The following CAST variants were observed in gnomAD, a reference collection of about 807,000 sequenced individuals.
CAST encodes MIR583 host.
A neutral mutation model predicts 119.6 loss-of-function variants in CAST; 76 were observed. The ratio of observed to expected loss-of-function variants is 0.64; its 90% CI spans 0.53 to 0.77. The LOEUF (loss-of-function observed/expected upper bound fraction) is 0.77. CAST is among the 30% of genes least tolerant of loss of function. The probability of loss-of-function intolerance (pLI) is 0.00; values close to 1 mark genes in which losing one functional copy is unlikely to be tolerated. For missense variants in CAST, 953 were observed against 946.5 expected, an observed-to-expected ratio of 1.01 and a Z score of -0.09; for synonymous variants, 319 against 331.6, an observed-to-expected ratio of 0.96 and a Z score of 0.41.
chr5:96,627,654 C>T (rs76202121), intron 1 of CAST, among the ~76,000 whole-genome samples: 1,870 of 152,202 alleles, frequency 0.012, 35 homozygotes, highest in African/African-American at 0.042. Context: ...CTCCTGTTTA[C>T]GGAAAGAAAG....
chr5:96,529,402 T>C (rs1254274401), upstream of CAST, among the ~76,000 whole-genome samples: 1 of 151,982 alleles, frequency 6.6e-6, no homozygotes, highest in South Asian at 2.1e-4. Context: ...TTTTTGTTTG[T>C]TTGCCAGTCT....
the CAST span, among the ~76,000 whole-genome samples, chr5:96,069,385 ATGTGTG>A: frequency 9.4e-5 from 9 of 96,100 alleles, no homozygotes; most frequent in East Asian, 4.2e-4. Context: ...GTGTGTGTCT[ATGTGTG>A]TGTGTGTGTG....
intron 19 of CAST, among the ~76,000 whole-genome samples, chr5:96,749,305 G>C (rs994025326): frequency 6.6e-6 from 1 of 152,144 alleles, no homozygotes; most frequent in Admixed American, 6.5e-5. Flanking sequence ...AGGATCTGTA[G>C]TTCTTTTTTT....
the CAST span, among the ~76,000 whole-genome samples, chr5:96,256,338 ATATATAAATATACAG>A: frequency 1.4e-5 from 2 of 144,236 alleles, no homozygotes; most frequent in East Asian, 2.0e-4. Context: ...CGGTATATAA[ATATATAAATATACAG>A]TATATAAATA....
chr5:96,023,414 A>G, the CAST span, among the ~76,000 whole-genome samples: 5 of 152,230 alleles, frequency 3.3e-5, no homozygotes, highest in African/African-American at 1.2e-4. Flanking sequence ...TGAGTAGGGA[A>G]GCTATTTTGA....
At chr5:96,412,950 C>T in the CAST span, 2 of 1,026,056 alleles carry the variant, frequency 1.9e-6, no homozygotes, top group African/African-American at 3.5e-5. Flanking sequence ...CCAAGCAGCC[C>T]TCTGGTGATG....
chr5:96,737,433 A>T (rs1340378474), intron 10 of CAST, among the ~76,000 whole-genome samples: 1 of 152,230 alleles, frequency 6.6e-6, no homozygotes, highest in Non-Finnish European at 1.5e-5. Flanking sequence ...AAAACTCTGG[A>T]AAAGTATTGA....
intron 1 of CAST, among the ~76,000 whole-genome samples, chr5:96,549,843 C>T (rs971740940): frequency 1.2e-4 from 19 of 152,180 alleles, no homozygotes; most frequent in African/African-American, 3.6e-4. Context: ...GAGGGATGTC[C>T]GCCATTGCTG....
the CAST span, among the ~76,000 whole-genome samples, chr5:96,095,547 ACT>A: frequency 7.7e-6 from 1 of 129,906 alleles, no homozygotes; most frequent in African/African-American, 3.0e-5. Flanking sequence ...GGCAACAGAG[ACT>A]CTGTTTCAAA....
At chr5:96,430,140 A>G in the CAST span, among the ~76,000 whole-genome samples, 17 of 152,176 alleles carry the variant, frequency 1.1e-4, no homozygotes, top group Non-Finnish European at 2.2e-4. Flanking sequence ...GCTTTCAGAA[A>G]AGAACATGCT....
chr5:96,673,953 A>T (rs919552922), intron 1 of CAST, among the ~76,000 whole-genome samples: 3 of 152,224 alleles, frequency 2.0e-5, no homozygotes, highest in African/African-American at 7.2e-5. Flanking sequence ...CTAATCCATG[A>T]GAGTGTTTCT....
the CAST span, among the ~76,000 whole-genome samples, chr5:96,436,773 A>G: frequency 1.1e-4 from 16 of 152,310 alleles, no homozygotes; most frequent in East Asian, 3.1e-3. Flanking sequence ...CAAATTGAGA[A>G]AAGTATCTAG....
chr5:96,576,643 CAT>C (rs1746676540), intron 1 of CAST, among the ~76,000 whole-genome samples: 1 of 152,082 alleles, frequency 6.6e-6, no homozygotes, highest in African/African-American at 2.4e-5. Context: ...CCGCACCTGA[CAT>C]ATATCTAAAG....
chr5:96,650,856 A>G (rs552692312), intron 1 of CAST, among the ~76,000 whole-genome samples: 1 of 152,164 alleles, frequency 6.6e-6, no homozygotes, highest in East Asian at 1.9e-4. Flanking sequence ...ATGTATAGAG[A>G]TAGAGAAGGT....
At chr5:96,747,488 C>A in intron 18 of CAST, 96 bp downstream of exon 18, 1 of 813,686 alleles carries the variant, frequency 1.2e-6, no homozygotes, top group Non-Finnish European at 2.1e-6. Flanking sequence ...ACTGTGCAGA[C>A]TTGCATGCTA....
the CAST span, among the ~76,000 whole-genome samples, chr5:96,002,645 A>G: frequency 6.6e-6 from 1 of 152,078 alleles, no homozygotes; most frequent in Non-Finnish European, 1.5e-5. Context: ...AGGGGAGAGT[A>G]AGGTTCTCTG....
At chr5:95,963,308 C>T in the CAST span, among the ~76,000 whole-genome samples, 1 of 152,288 alleles carries the variant, frequency 6.6e-6, no homozygotes, top group Non-Finnish European at 1.5e-5. Context: ...CCTTCCCCAC[C>T]GTACGGGTAC....
the CAST span, among the ~76,000 whole-genome samples, chr5:96,182,410 AAAG>A: frequency 2.0e-5 from 3 of 152,240 alleles, no homozygotes; most frequent in Admixed American, 6.5e-5. Context: ...GCAAGAAGGA[AAAG>A]AAGTATTCTT....
chr5:96,675,413 A>C (rs1580920933), intron 1 of CAST, 126 bp from the exon 2 acceptor site: 1 of 652,498 alleles, frequency 1.5e-6, no homozygotes, highest in Admixed American at 2.6e-5. Flanking sequence ...AATTACCAGC[A>C]TTCTCAGGAG....
Sources: gnomAD v4.1 joint callset for allele counts (sites outside exome capture counted in the v4.1 genomes callset) on GRCh38, gnomAD v4.1.1 for gene constraint, MANE v1.5 for transcripts, NCBI Gene and HGNC (gene_info 2026-07-23, HGNC 2026-07-21) for gene names.